Variants in EXPH5 observed in about 807,000 individuals in gnomAD.
The protein encoded by EXPH5 is exophilin 5.
Under a neutral mutation model 41.1 loss-of-function variants are expected in EXPH5, and 42 were observed. The ratio of observed to expected loss-of-function variants is 1.02; its 90% CI spans 0.80 to 1.32. EXPH5 has a LOEUF of 1.32. Ranked by LOEUF, EXPH5 falls within the 40% of genes most tolerant of loss-of-function variation. The probability of loss-of-function intolerance (pLI) is 0.00; values close to 1 mark genes in which losing one functional copy is unlikely to be tolerated. For missense variants in EXPH5, 2,298 were observed against 2,314.5 expected (o/e 0.99, Z 0.15); for synonymous variants, 798 against 833.5 (o/e 0.96, Z 0.73).
At chr11:108,585,255 A>G (rs1487022885) in intron 1 of EXPH5, among the ~76,000 whole-genome samples, 1 of 152,222 alleles carries the variant, frequency 6.6e-6, no homozygotes, top group East Asian at 1.9e-4. Context: ...AAAATACCAA[A>G]TGCTGGCAAG....
At chr11:108,522,463 G>T (rs894502828) in intron 4 of EXPH5, among the ~76,000 whole-genome samples, 3 of 152,146 alleles carry the variant, frequency 2.0e-5, no homozygotes, top group African/African-American at 7.2e-5. Flanking sequence ...GGTTTCAAGA[G>T]GTCAGGTCAT....
intron 4 of EXPH5, among the ~76,000 whole-genome samples, chr11:108,519,870 G>C (rs1224027511): frequency 6.9e-6 from 1 of 145,736 alleles, no homozygotes; most frequent in Non-Finnish European, 1.5e-5. Flanking sequence ...AGAATCGCTT[G>C]AACCCGGGAG....
At position 108,510,755 on chromosome 11, in the gene EXPH5, C is replaced by G; in HGVS notation, c.4752G>C (p.Lys1584Asn). ...KNKTNLDDLV[K>N]GENRSSVKHR... ...GTTTAACTGAAGATCTATTTTCCCCCTTTACTAGGTCATCCAAGTTGGTTT... is the reference window on the plus strand; with the variant it reads ...GTTTAACTGAAGATCTATTTTCCCCGTTTACTAGGTCATCCAAGTTGGTTT... Residue 1584 changes from lysine (K) to asparagine (N), a missense_variant, in exon 6 of 6, where the codon AAG (lysine) becomes AAC (asparagine). By Grantham distance (94) the Lys-to-Asn change is moderately conservative. Transcript: ENST00000265843. 1 of 1,614,162 alleles carries G rather than the reference C, an allele frequency of 6.2e-7. No individual in the cohort carries two copies. Among genetic ancestry groups the G allele is most frequent in the East Asian group, 2.2e-5 (1 of 44,876 alleles).
At chr11:108,550,973 G>T (rs1431889135) in intron 1 of EXPH5, among the ~76,000 whole-genome samples, 1 of 151,976 alleles carries the variant, frequency 6.6e-6, no homozygotes, top group Non-Finnish European at 1.5e-5. Context: ...GCCGAAAGAG[G>T]TCTCCAGATA....
chr11:108,553,532 C>T (rs2093977259), intron 1 of EXPH5, among the ~76,000 whole-genome samples: 5 of 152,174 alleles, frequency 3.3e-5, no homozygotes, highest in Admixed American at 3.3e-4. Context: ...TTTACCTGAG[C>T]CAGCTTGGAA....
intron 1 of EXPH5, among the ~76,000 whole-genome samples, chr11:108,568,293 C>T (rs548773672): frequency 5.9e-5 from 9 of 152,156 alleles, no homozygotes; most frequent in South Asian, 2.1e-4. Flanking sequence ...ACCAGGCACG[C>T]GGGTTCCTCT....
intron 3 of EXPH5, among the ~76,000 whole-genome samples, chr11:108,529,663 G>A (rs1179073394): frequency 1.3e-5 from 2 of 152,002 alleles, no homozygotes; most frequent in Non-Finnish European, 2.9e-5. Flanking sequence ...TGACCAACAT[G>A]GTGAAACCGT....
At chr11:108,596,602 A>G (rs2094139169), upstream of EXPH5, among the ~76,000 whole-genome samples, 1 of 152,206 alleles carries the variant, frequency 6.6e-6, no homozygotes, top group South Asian at 2.1e-4. Flanking sequence ...AGTTCTTGAA[A>G]CAGGGATGGA....
At chr11:108,606,032 C>CT in the EXPH5 span, among the ~76,000 whole-genome samples, 8 of 152,270 alleles carry the variant, frequency 5.3e-5, no homozygotes, top group Middle Eastern at 3.4e-3. Flanking sequence ...TCACCTTCTT[C>CT]TTTTTTTAAA....
chr11:108,529,531 G>T (rs1203591212), intron 3 of EXPH5, among the ~76,000 whole-genome samples: 3 of 152,044 alleles, frequency 2.0e-5, no homozygotes, highest in Admixed American at 2.0e-4. Context: ...ATGCCAAGGG[G>T]TTCTCTGTCT....
intron 3 of EXPH5, among the ~76,000 whole-genome samples, chr11:108,533,810 T>C (rs1242378244): frequency 6.6e-6 from 1 of 152,170 alleles, no homozygotes; most frequent in African/African-American, 2.4e-5. Context: ...GTTTTCTTTT[T>C]ATTGAGATAG....
intron 4 of EXPH5, among the ~76,000 whole-genome samples, chr11:108,525,016 A>C (rs1281753029): frequency 6.6e-6 from 1 of 152,114 alleles, no homozygotes; most frequent in Non-Finnish European, 1.5e-5. Context: ...GGTTTCCCCC[A>C]TACTGTTCTC....
In EXPH5 at chr11:108,509,811, T is replaced by C. The variant is rs2093664495; in HGVS notation, c.5696A>G (p.Glu1899Gly). Residue 1899 changes from glutamate to glycine, a missense_variant, in exon 6 of 6, where the codon GAA becomes GGA. Physicochemically the swap from Glu to Gly is moderately conservative, Grantham distance 98. Transcript: ENST00000265843. Reference protein sequence around the residue: ...FGKEQQLAFLENVKRSLTQGR... With the variant: ...FGKEQQLAFLGNVKRSLTQGR... ...TTGTGTAAGTGACCTCTTTACATTT[T>C]CTAAGAAAGCTAACTGTTGTTCTTT... The C allele has an allele frequency of 6.2e-7, 1 of 1,613,496 alleles. No homozygotes were observed. Among genetic ancestry groups the C allele is most frequent in the East Asian group, 2.2e-5 (1 of 44,896 alleles).
chr11:108,558,021 C>A (rs1774158580), intron 1 of EXPH5, among the ~76,000 whole-genome samples: 1 of 152,194 alleles, frequency 6.6e-6, no homozygotes, highest in Admixed American at 6.5e-5. Context: ...CAGCTCACTG[C>A]AACCTCTGCC....
At chr11:108,583,493 A>G (rs2094104616) in intron 1 of EXPH5, among the ~76,000 whole-genome samples, 1 of 151,162 alleles carries the variant, frequency 6.6e-6, no homozygotes, top group Admixed American at 6.6e-5. Context: ...TGTTCAAATA[A>G]AAGCTCTCAG....
intron 1 of EXPH5, among the ~76,000 whole-genome samples, chr11:108,589,834 C>A (rs933567594): frequency 1.1e-4 from 17 of 152,134 alleles, no homozygotes; most frequent in Non-Finnish European, 1.6e-4. Context: ...AAATACTCGA[C>A]CTTTTTTAAT....
intron 1 of EXPH5, among the ~76,000 whole-genome samples, chr11:108,566,302 A>G (rs1193181497): frequency 6.6e-6 from 1 of 152,220 alleles, no homozygotes; most frequent in African/African-American, 2.4e-5. Flanking sequence ...AGTGATACTC[A>G]TTCCCCAATG....
chr11:108,562,265 G>GTTTTTTTTTTTTT (rs35527615), intron 1 of EXPH5, among the ~76,000 whole-genome samples: 1 of 104,602 alleles, frequency 9.6e-6, no homozygotes, highest in African/African-American at 3.1e-5. Flanking sequence ...TTTTTTCTGT[G>GTTTTTTTTTTTTT]TTTTTTTTTT....
chr11:108,524,711 T>C (rs965393495), intron 4 of EXPH5, among the ~76,000 whole-genome samples: 2 of 152,234 alleles, frequency 1.3e-5, no homozygotes, highest in African/African-American at 4.8e-5. Flanking sequence ...CTAAACTCAC[T>C]GATGTTATCA....
Sources: allele counts gnomAD v4.1 joint callset (sites outside exome capture counted in the v4.1 genomes callset), GRCh38; gene constraint gnomAD v4.1.1; transcripts MANE v1.5; gene names NCBI Gene and HGNC (gene_info 2026-07-23, HGNC 2026-07-21).